ADTRP: variants seen among roughly 807,000 people sequenced by gnomAD.
ADTRP encodes the protein androgen dependent TFPI regulating protein.
A neutral mutation model predicts 27.0 loss-of-function variants in ADTRP; 20 were observed. That is an observed-to-expected ratio of 0.74 (90% CI 0.52 to 1.08). The LOEUF is 1.08. Ranked by LOEUF, ADTRP falls within the 50% of genes least tolerant of loss-of-function variation. The probability of loss-of-function intolerance (pLI) is 0.00; values close to 1 mark genes in which losing one functional copy is unlikely to be tolerated. For synonymous variants in ADTRP, 101 were observed against 105.2 expected, an observed-to-expected ratio of 0.96 and a Z score of 0.25; for missense variants, 251 against 275.0, an observed-to-expected ratio of 0.91 and a Z score of 0.62.
At chr6:11,737,175 G>A (rs1027814272) in intron 3 of ADTRP, among the ~76,000 whole-genome samples, 1 of 151,984 alleles carries the variant, frequency 6.6e-6, no homozygotes, top group Non-Finnish European at 1.5e-5. Context: ...AAGTCCTTCT[G>A]CCACCCTCTG....
chr6:11,726,468 C>T (rs934503981), intron 4 of ADTRP, among the ~76,000 whole-genome samples: 2 of 152,072 alleles, frequency 1.3e-5, no homozygotes, highest in African/African-American at 4.8e-5. Flanking sequence ...TAGGGTGCCC[C>T]TCAGGTTTTG....
rs200538045 is a variant in ADTRP, at chr6:11,771,646, A to C, written c.154-3263T>G. ...GAGGCAATGTTAGCTGTTATGGGCT[A>C]ATTTATATCCCCCACCAACCACCAC... On this transcript the variant is annotated intron_variant, in intron 1 of 5. Transcript: ENST00000414691. Among the ~76,000 whole-genome samples the C allele has an allele frequency of 5.0e-4, 76 of 152,340 alleles. No homozygotes were observed. In the East Asian group the frequency reaches 0.014, roughly 28 times the overall value.
intron 1 of ADTRP, among the ~76,000 whole-genome samples, chr6:11,773,834 G>A (rs1239308162): frequency 6.6e-6 from 1 of 152,214 alleles, no homozygotes; most frequent in African/African-American, 2.4e-5. Context: ...TCTCTATACT[G>A]CGTCCAAAGA....
At chr6:11,717,356 C>T (rs1761866477) in intron 5 of ADTRP, 2 of 1,304,156 alleles carry the variant, frequency 1.5e-6, no homozygotes, top group Non-Finnish European at 2.0e-6. Flanking sequence ...TCCAATCGGG[C>T]CACTGGAAGC....
intron 2 of ADTRP, among the ~76,000 whole-genome samples, chr6:11,766,864 G>A (rs1470508237): frequency 6.6e-6 from 1 of 152,316 alleles, no homozygotes; most frequent in African/African-American, 2.4e-5. Flanking sequence ...CTAGCTGACT[G>A]AGGGCTGGAT....
intron 5 of ADTRP, 112 bp downstream of exon 5, chr6:11,723,233 AAGAC>A (rs1353593396): frequency 7.2e-7 from 1 of 1,390,962 alleles, no homozygotes; most frequent in African/African-American, 1.4e-5. Context: ...ACTTTGGACA[AAGAC>A]AGTAAGCATC....
At chr6:11,755,045 T>A (rs1319579238) in intron 3 of ADTRP, 1 of 985,304 alleles carries the variant, frequency 1.0e-6, no homozygotes, top group East Asian at 1.1e-4. Context: ...AGCCTGGTTA[T>A]TCTCCAGCAT....
At chr6:11,772,138 T>A (rs1763804372) in intron 1 of ADTRP, among the ~76,000 whole-genome samples, 1 of 152,204 alleles carries the variant, frequency 6.6e-6, no homozygotes, top group South Asian at 2.1e-4. Context: ...ATCTACTTAT[T>A]CTAAGTTTAT....
chr6:11,771,667 A>G (rs181362111), intron 1 of ADTRP, among the ~76,000 whole-genome samples: 28 of 152,356 alleles, frequency 1.8e-4, no homozygotes, highest in African/African-American at 6.3e-4. Context: ...CCCACCAACC[A>G]CCACCAAATT....
At chr6:11,768,205 T>C (rs200674374) in intron 2 of ADTRP, 44 bp downstream of exon 2, 116 of 1,610,184 alleles carry the variant, frequency 7.2e-5, no homozygotes, top group Non-Finnish European at 9.4e-5. Flanking sequence ...CGTCTGTCCA[T>C]ATGCACATTT....
At chr6:11,715,120 C>G (rs1465227653) in intron 5 of ADTRP, among the ~76,000 whole-genome samples, 2 of 152,172 alleles carry the variant, frequency 1.3e-5, no homozygotes, top group African/African-American at 4.8e-5. Context: ...TGTGTAAGCT[C>G]TGCAATTTGT....
intron 4 of ADTRP, among the ~76,000 whole-genome samples, chr6:11,730,192 G>A (rs1030870666): frequency 6.6e-6 from 1 of 152,298 alleles, no homozygotes; most frequent in Non-Finnish European, 1.5e-5. Context: ...GACCCCGCAT[G>A]TTGACAACAA....
At chr6:11,738,956 A>G (rs1311320543) in intron 3 of ADTRP, among the ~76,000 whole-genome samples, 2 of 152,218 alleles carry the variant, frequency 1.3e-5, no homozygotes, top group Non-Finnish European at 2.9e-5. Context: ...ACATGATGCA[A>G]TAAGCCTTCT....
Position 11,768,268 on chromosome 6 carries a change from A to C in ADTRP, c.269T>G (p.Leu90Arg). ...ACTTACCGTGGATACAGGAAAAGCC[A>C]GAGTGGTGAAAAGCAGGTCTCTGAA... ...TAFRDLLFTTLAFPVSTFVFL... is the reference protein window; with the variant it reads ...TAFRDLLFTTRAFPVSTFVFL... Residue 90 changes from leucine to arginine, a missense_variant, in exon 2 of 6, where the codon CTG (leucine) becomes CGG (arginine). Coordinates refer to ENST00000414691, the MANE Select transcript of ADTRP (RefSeq NM_032744.4). 6.2e-7 allele frequency: 1 copy of C among 1,614,242 alleles called. No individual in the cohort carries two copies. The highest frequency in any genetic ancestry group is 1.1e-5 in the South Asian group (1 of 91,088).
chr6:11,754,305 G>C (rs1356909914), intron 3 of ADTRP, among the ~76,000 whole-genome samples: 1 of 152,196 alleles, frequency 6.6e-6, no homozygotes, highest in Non-Finnish European at 1.5e-5. Flanking sequence ...AAATGCATGA[G>C]AGTGACAGAA....
chr6:11,725,552 G>T (rs210901), intron 4 of ADTRP, among the ~76,000 whole-genome samples: 1 of 151,978 alleles, frequency 6.6e-6, no homozygotes, highest in Non-Finnish European at 1.5e-5. Context: ...TAAGGACATA[G>T]AGAAATTGGA....
intron 3 of ADTRP, among the ~76,000 whole-genome samples, chr6:11,756,135 G>C (rs1366268126): frequency 6.6e-6 from 1 of 152,128 alleles, no homozygotes; most frequent in African/African-American, 2.4e-5. Flanking sequence ...CCAACACTTT[G>C]TTAGGCTGAG....
At chr6:11,737,499 C>T (rs752801197) in intron 3 of ADTRP, among the ~76,000 whole-genome samples, 27 of 152,198 alleles carry the variant, frequency 1.8e-4, no homozygotes, top group Admixed American at 7.9e-4. Flanking sequence ...CAGGAGGCAT[C>T]CCCAGGAAGC....
intron 3 of ADTRP, among the ~76,000 whole-genome samples, chr6:11,755,459 T>C (rs1763184645): frequency 6.6e-6 from 1 of 152,216 alleles, no homozygotes. Context: ...GCAAACACAG[T>C]GAGTGCCTGG....
Sources: allele counts gnomAD v4.1 joint callset (sites outside exome capture counted in the v4.1 genomes callset), GRCh38; gene constraint gnomAD v4.1.1; transcripts MANE v1.5; gene names NCBI Gene and HGNC (gene_info 2026-07-23, HGNC 2026-07-21).